Variants in BEND5 observed in about 807,000 individuals in gnomAD.
BEND5 encodes the protein BEN domain-containing protein 5.
A neutral mutation model predicts 43.9 loss-of-function variants in BEND5; 22 were observed. The observed-to-expected ratio is 0.50, with a 90% CI of 0.36 to 0.72. The LOEUF (loss-of-function observed/expected upper bound fraction) is 0.72. Among genes scored for constraint, BEND5 ranks in the 30% least tolerant of loss-of-function variants. BEND5 has a pLI of 0.00. For missense variants in BEND5, 428 were observed against 550.6 expected (o/e 0.78, Z 2.23); for synonymous variants, 228 against 225.9 (o/e 1.01, Z -0.08).
chr1:48,734,655 G>T (rs564764767), intron 5 of BEND5, among the ~76,000 whole-genome samples: 1 of 152,148 alleles, frequency 6.6e-6, no homozygotes, highest in East Asian at 1.9e-4. Flanking sequence ...TATTCTGCCT[G>T]ATTTGCCACC....
intron 1 of BEND5, among the ~76,000 whole-genome samples, chr1:48,771,292 T>C (rs1012909144): frequency 1.3e-5 from 2 of 152,214 alleles, no homozygotes; most frequent in South Asian, 2.1e-4. Context: ...AGAAAGAGAA[T>C]TGGTCTTGGT....
chr1:48,752,947 A>G (rs1219429491), intron 3 of BEND5, among the ~76,000 whole-genome samples: 1 of 152,072 alleles, frequency 6.6e-6, no homozygotes, highest in East Asian at 1.9e-4. Context: ...GCGGGGTTTC[A>G]CCATGTTGGC....
intron 1 of BEND5, among the ~76,000 whole-genome samples, chr1:48,775,150 C>T (rs1645014329): frequency 6.6e-6 from 1 of 152,200 alleles, no homozygotes; most frequent in African/African-American, 2.4e-5. Context: ...CTTCCCCTCC[C>T]TCAGTTTCTT....
chr1:48,761,409 A>T lies in BEND5; in HGVS notation c.288T>A (p.Ser96=). The change falls in exon 2 of 6, where the codon TCT becomes TCA. Residue 96 remains serine, a synonymous_variant. Coordinates refer to ENST00000371833, the MANE Select transcript of BEND5 (RefSeq NM_024603.4). The part of the protein sequence containing the change: ...MQKKIKIPKL[S]LNHVEEDGEV... The stretch of plus-strand genomic sequence containing the variant: ...CTCCATCTTCTTCTACATGATTAAG[A>T]GAAAGCTTGGGGATTTTTATTTTCT... 6.4e-7 allele frequency: 1 copy of T among 1,551,764 alleles called. No individual in the cohort carries two copies. Among genetic ancestry groups the T allele is most frequent in the Non-Finnish European group, 8.7e-7 (1 of 1,146,948 alleles).
At chr1:48,756,947 T>C (rs1449495409) in intron 3 of BEND5, among the ~76,000 whole-genome samples, 1 of 152,192 alleles carries the variant, frequency 6.6e-6, no homozygotes, top group Non-Finnish European at 1.5e-5. Context: ...GCCTGTGGGA[T>C]GGGAGAGCCT....
chr1:48,763,853 C>A (rs1476893394), intron 1 of BEND5, among the ~76,000 whole-genome samples: 1 of 152,154 alleles, frequency 6.6e-6, no homozygotes, highest in African/African-American at 2.4e-5. Context: ...AACTCTCAGG[C>A]CTAGGAATAC....
intron 2 of BEND5, chr1:48,761,097 C>A: frequency 2.1e-6 from 1 of 466,958 alleles, no homozygotes; most frequent in East Asian, 3.8e-5. Flanking sequence ...GATGACACTG[C>A]ACAGACTGTG....
chr1:48,731,970 G>A lies in BEND5; in HGVS notation c.1109-3927C>T, dbSNP rs184172723. Among the ~76,000 whole-genome samples, 1,075 of 152,270 alleles carry A rather than the reference G, an allele frequency of 7.1e-3. 9 individuals are homozygous for A. The highest frequency in any genetic ancestry group is 0.011 in the Non-Finnish European group (768 of 68,020). ...TGCCAGAGTAATGGAGGGGAGAAATGAGTGTGGGCTATGAGAAGGGCAGTA... is the reference window on the plus strand; with the variant it reads ...TGCCAGAGTAATGGAGGGGAGAAATAAGTGTGGGCTATGAGAAGGGCAGTA... On this transcript the variant is annotated intron_variant, in intron 5 of 5. Transcript: ENST00000371833.
chr1:48,776,368 C>A (rs1254578999), intron 1 of BEND5, among the ~76,000 whole-genome samples: 2 of 152,212 alleles, frequency 1.3e-5, no homozygotes, highest in Non-Finnish European at 2.9e-5. Flanking sequence ...TGAAGACGGA[C>A]TGACAGCGCG....
At chr1:48,769,590 T>C (rs1034399176) in intron 1 of BEND5, among the ~76,000 whole-genome samples, 1 of 149,240 alleles carries the variant, frequency 6.7e-6, no homozygotes, top group African/African-American at 2.5e-5. Flanking sequence ...TTTAAACTTG[T>C]ATGCTCCTTC....
intron 1 of BEND5, among the ~76,000 whole-genome samples, chr1:48,764,002 A>G (rs1421374971): frequency 2.6e-5 from 4 of 152,330 alleles, no homozygotes; most frequent in East Asian, 3.9e-4. Context: ...CTATGCCTCG[A>G]CTTAACCTTT....
intron 5 of BEND5, among the ~76,000 whole-genome samples, chr1:48,730,832 G>A (rs551618374): frequency 1.3e-5 from 2 of 152,194 alleles, no homozygotes; most frequent in South Asian, 2.1e-4. Flanking sequence ...AAAATTAACC[G>A]GAACGCAATG....
chr1:48,776,499 G>A (rs1645091580), intron 1 of BEND5, 107 bp downstream of exon 1: 1 of 822,442 alleles, frequency 1.2e-6, no homozygotes. Flanking sequence ...GAGGCAGGAA[G>A]GAGCAAGCAG....
At chr1:48,740,400 C>A (rs1186735711) in intron 4 of BEND5, among the ~76,000 whole-genome samples, 1 of 152,188 alleles carries the variant, frequency 6.6e-6, no homozygotes, top group South Asian at 2.1e-4. Flanking sequence ...TGTTTCCCTA[C>A]CCATACTATG....
intron 1 of BEND5, among the ~76,000 whole-genome samples, chr1:48,770,282 A>C (rs988200921): frequency 6.6e-6 from 1 of 152,182 alleles, no homozygotes; most frequent in African/African-American, 2.4e-5. Context: ...TGTCTGACCA[A>C]TGAGTGAAAA....
chr1:48,761,154 G>C (rs1479599838), intron 2 of BEND5, 183 bp downstream of exon 2: 12 of 628,818 alleles, frequency 1.9e-5, no homozygotes, highest in Non-Finnish European at 3.2e-5. Context: ...GGGCTCTCTA[G>C]AAAGTTGGCC....
At chr1:48,761,258 AG>A in intron 2 of BEND5, 78 bp downstream of exon 2, 1 of 1,407,498 alleles carries the variant, frequency 7.1e-7, no homozygotes, top group Non-Finnish European at 9.5e-7. Context: ...GGGGAGAGGA[AG>A]CCAGACTGAA....
rs1271079827 is a variant in BEND5 at position 48,736,284 on chromosome 1, C to T, written c.1063G>A (p.Val355Ile). 3.1e-6 allele frequency: 5 copies of T among 1,614,054 alleles called. No homozygotes were observed. The highest frequency in any genetic ancestry group is 4.2e-6 in the Non-Finnish European group (5 of 1,180,030). The change falls in exon 5 of 6, where the codon GTC (valine) becomes ATC (isoleucine). Residue 355 changes from valine to isoleucine, a missense_variant. Val to Ile is a conservative substitution (Grantham distance 29). Around this residue, in one of 4 missense-constraint regions of BEND5, gnomAD observed 75 missense variants for 148.5 expected, o/e 0.50. Transcript: ENST00000371833. The surrounding 1 kb of genome is among the most constrained non-coding windows in gnomAD (Gnocchi z 4.0). ...TGAGGCGAGAGGGGTGGTTTAGGGA[C>T]TGCATCTTTCTTTTTTTTTGTGGCG... is the stretch of plus-strand genomic sequence containing the variant. Reference protein sequence around the residue: ...GVATKKKKDAVPKPPLSPHKL... With the variant: ...GVATKKKKDAIPKPPLSPHKL...
At chr1:48,771,345 T>A (rs1644820958) in intron 1 of BEND5, among the ~76,000 whole-genome samples, 1 of 152,204 alleles carries the variant, frequency 6.6e-6, no homozygotes, top group African/African-American at 2.4e-5. Flanking sequence ...GATGTGCTTT[T>A]AAAAATAAAA....
Sources: allele counts gnomAD v4.1 joint callset (sites outside exome capture counted in the v4.1 genomes callset), GRCh38; gene constraint gnomAD v4.1.1; regional missense constraint gnomAD v4.1.1; non-coding constraint Gnocchi (gnomAD v3.1); transcripts MANE v1.5; gene names NCBI Gene and HGNC (gene_info 2026-07-23, HGNC 2026-07-21).